Variants in PIWIL3 observed in about 807,000 individuals in gnomAD.
PIWIL3 encodes piwi like RNA-mediated gene silencing 3.
A neutral mutation model predicts 109.7 loss-of-function variants in PIWIL3; 101 were observed. The ratio of observed to expected loss-of-function variants is 0.92; its 90% CI spans 0.78 to 1.09. The LOEUF is 1.09. Among genes scored for constraint, PIWIL3 ranks in the 50% least tolerant of loss-of-function variants. PIWIL3 has a pLI of 0.00. For synonymous variants in PIWIL3, 373 were observed against 376.4 expected (o/e 0.99, Z 0.10); for missense variants, 1,031 against 1,072.6 (o/e 0.96, Z 0.54).
In PIWIL3 at chr22:24,748,934, G is replaced by C; in HGVS notation, c.1422C>G (p.Asn474Lys). The change falls in exon 12 of 21, where the codon AAC becomes AAG. Residue 474 changes from asparagine (N) to lysine (K), a missense_variant. Asn to Lys is a moderately conservative substitution (Grantham distance 94). Transcript: ENST00000616349. ...FLSVPGRVLK[N>K]ANIVQGRRMV... ...TTCTTCTGCCTTGCACGATGTTTGCGTTTTTCAAAACTCTTCCCGGGACGG... is the reference window on the plus strand; with the variant it reads ...TTCTTCTGCCTTGCACGATGTTTGCCTTTTTCAAAACTCTTCCCGGGACGG... 1 of 1,612,852 alleles carries C rather than the reference G, an allele frequency of 6.2e-7. No homozygotes were observed. The highest frequency in any genetic ancestry group is 8.5e-7 in the Non-Finnish European group (1 of 1,179,320).
At chr22:24,757,575 A>C (rs1925124852) in intron 4 of PIWIL3, among the ~76,000 whole-genome samples, 1 of 83,550 alleles carries the variant, frequency 1.2e-5, no homozygotes, top group South Asian at 3.9e-4. Flanking sequence ...GGCTTGGGCC[A>C]GTTCTAGACC....
intron 8 of PIWIL3, 138 bp downstream of exon 8, chr22:24,753,876 A>G (rs1173435210): frequency 1.5e-6 from 1 of 683,754 alleles, no homozygotes; most frequent in Non-Finnish European, 2.5e-6. Flanking sequence ...TAACCAGAGG[A>G]GAGACGTGTT....
chr22:24,754,668 C>T, intron 7 of PIWIL3, 116 bp downstream of exon 7: 1 of 778,074 alleles, frequency 1.3e-6, no homozygotes, highest in East Asian at 2.5e-5. Context: ...TCAGTGGATA[C>T]CATTTAAAAG....
chr22:24,722,621 G>A (rs1351839790), intron 19 of PIWIL3, among the ~76,000 whole-genome samples: 1 of 152,068 alleles, frequency 6.6e-6, no homozygotes, highest in Non-Finnish European at 1.5e-5. Flanking sequence ...GCTGAGGCAG[G>A]AGAATTGCTT....
intron 1 of PIWIL3, among the ~76,000 whole-genome samples, chr22:24,773,821 C>A (rs1291395355): frequency 1.3e-5 from 2 of 149,834 alleles, no homozygotes; most frequent in African/African-American, 4.9e-5. Flanking sequence ...TTCAAGCAAT[C>A]CTCCTGCCTC....
chr22:24,723,393 T>C, intron 18 of PIWIL3, 138 bp from the exon 19 acceptor site: 1 of 854,618 alleles, frequency 1.2e-6, no homozygotes. Context: ...CTAATTTTAC[T>C]GTCTAAGCTC....
At chr22:24,723,520 C>T (rs565251719) in intron 18 of PIWIL3, among the ~76,000 whole-genome samples, 66 of 152,282 alleles carry the variant, frequency 4.3e-4, no homozygotes, top group Non-Finnish European at 7.5e-4. Flanking sequence ...TGCTGAGCAG[C>T]GGGCTCTCAA....
At chr22:24,736,829 G>A (rs947857535) in intron 12 of PIWIL3, among the ~76,000 whole-genome samples, 1 of 152,238 alleles carries the variant, frequency 6.6e-6, no homozygotes, top group Non-Finnish European at 1.5e-5. Flanking sequence ...ACAGCAGAAA[G>A]CAGAACTGAG....
At chr22:24,736,009 G>T in intron 12 of PIWIL3, 117 bp from the exon 13 acceptor site, 1 of 834,804 alleles carries the variant, frequency 1.2e-6, no homozygotes, top group Non-Finnish European at 1.8e-6. Flanking sequence ...TTATAAACTT[G>T]AATGGCCAAT....
rs372380832 is a variant in PIWIL3, at chr22:24,756,670, G to T, written c.391C>A (p.His131Asn). Residue 131 changes from histidine to asparagine, a missense_variant, in exon 5 of 21, where the codon CAC becomes AAC. By Grantham distance (68) the His-to-Asn change is moderately conservative. Coordinates refer to ENST00000616349, the MANE Select transcript of PIWIL3 (RefSeq NM_001255975.1). ...TGAGGACGAGATATCACTCGGAAGTGGTTGGCGAGTAGCTGTACCACTGTA... is the reference window on the plus strand; with the variant it reads ...TGAGGACGAGATATCACTCGGAAGTTGTTGGCGAGTAGCTGTACCACTGTA... ...EGTVVQLLAN[H>N]FRVISRPQWV... The T allele has an allele frequency of 8.7e-6, 14 of 1,613,986 alleles. No individual in the cohort carries two copies. Among genetic ancestry groups the T allele is most frequent in the Non-Finnish European group, 1.0e-5 (12 of 1,179,932 alleles).
chr22:24,754,063 T>A lies in PIWIL3; in HGVS notation c.928A>T (p.Ile310Phe), dbSNP rs758502779. The A allele has an allele frequency of 1.9e-6, 3 of 1,612,586 alleles. No individual in the cohort carries two copies. The Admixed American group carries it at 5.0e-5, about 27-fold the overall frequency. Residue 310 changes from isoleucine to phenylalanine, a missense_variant, in exon 8 of 21, where the codon ATC (isoleucine) becomes TTC (phenylalanine). Coordinates refer to ENST00000616349, the MANE Select transcript of PIWIL3 (RefSeq NM_001255975.1). ...RTSAQAQTGN[I>F]REEVTNKLIG... is the part of the protein sequence containing the mutation. ...AATTTATTAGTTACTTCCTCTCGGA[T>A]GTTTCCTGTCTGGGCCTGGGCAGAT... is the stretch of plus-strand genomic sequence containing the variant.
Position 24,759,963 on chromosome 22 carries a change from C to G in PIWIL3, c.129G>C (p.Ser43=), listed in dbSNP as rs144005682. The part of the protein sequence containing the change: ...ATTQEPPQLQ[S]TPRPLQEEVP... ...CTTCCTCCTGCAGCGGCCGGGGTGT[C>G]GACTGCAACTGAGGGGGCTCCTGGG... The change falls in exon 3 of 21, where the codon TCG becomes TCC. Residue 43 remains serine (S), a synonymous_variant. Transcript: ENST00000616349. 6.2e-7 allele frequency: 1 copy of G among 1,614,074 alleles called. No individual in the cohort carries two copies. Among genetic ancestry groups the G allele is most frequent in the Non-Finnish European group, 8.5e-7 (1 of 1,180,022 alleles).
intron 12 of PIWIL3, among the ~76,000 whole-genome samples, chr22:24,736,740 G>A (rs1304682028): frequency 3.3e-5 from 5 of 152,198 alleles, no homozygotes; most frequent in Non-Finnish European, 7.3e-5. Flanking sequence ...CCCCTGCATG[G>A]TGCCAAGAAT....
intron 8 of PIWIL3, 107 bp downstream of exon 8, chr22:24,753,907 A>T: frequency 3.2e-6 from 3 of 935,590 alleles, no homozygotes; most frequent in South Asian, 1.7e-5. Flanking sequence ...TGCAATTTCT[A>T]CTCCTCAACT....
At chr22:24,720,311 G>A (rs28485264) in intron 19 of PIWIL3, among the ~76,000 whole-genome samples, 7 of 126,998 alleles carry the variant, frequency 5.5e-5, no homozygotes, top group South Asian at 2.8e-4. Flanking sequence ...TGGCTCTGTC[G>A]CCCAGGCTGG....
chr22:24,724,242 A>C (rs1922853607), intron 18 of PIWIL3, among the ~76,000 whole-genome samples: 1 of 150,286 alleles, frequency 6.7e-6, no homozygotes, highest in Non-Finnish European at 1.5e-5. Flanking sequence ...TCCCCTAAAA[A>C]ACATCAGATT....
chr22:24,751,516 T>C lies in PIWIL3; in HGVS notation c.978-18A>G. ...TGTTGTATCTGTGGAATAATTACAA[T>C]ATGGTATTATTTGACTTATTCATCA... On this transcript the variant is annotated intron_variant, in intron 8 of 20. Transcript: ENST00000616349. 6.2e-7 allele frequency: 1 copy of C among 1,604,134 alleles called. No individual in the cohort carries two copies. The highest frequency in any genetic ancestry group is 2.2e-5 in the East Asian group (1 of 44,788).
chr22:24,764,625 C>CGTGTGTGTGTGT (rs140531011), intron 1 of PIWIL3, among the ~76,000 whole-genome samples: 4,898 of 134,602 alleles, frequency 0.036, 161 homozygotes, highest in East Asian at 0.077. Context: ...TTGACCTTGC[C>CGTGTGTGTGTGT]GTGTGTGTGT....
At chr22:24,728,668 T>C in intron 14 of PIWIL3, among the ~76,000 whole-genome samples, 1 of 152,322 alleles carries the variant, frequency 6.6e-6, no homozygotes, top group East Asian at 1.9e-4. Flanking sequence ...ATAATTAACA[T>C]TAAATTGTTA....
Sources: gnomAD v4.1 joint callset for allele counts (sites outside exome capture counted in the v4.1 genomes callset) on GRCh38, gnomAD v4.1.1 for gene constraint, MANE v1.5 for transcripts, NCBI Gene and HGNC (gene_info 2026-07-23, HGNC 2026-07-21) for gene names.